The following TMEM44 variants were observed in gnomAD, a reference collection of about 807,000 sequenced individuals.
TMEM44 encodes transmembrane protein 44.
Under a neutral mutation model 47.8 loss-of-function variants are expected in TMEM44, and 43 were observed. That is an observed-to-expected ratio of 0.90 (90% CI 0.70 to 1.16). The LOEUF (loss-of-function observed/expected upper bound fraction) is 1.16, where lower values mean the gene tolerates loss of function less well. Ranked by LOEUF, TMEM44 falls within the 50% of genes most tolerant of loss-of-function variation. The pLI, the probability that TMEM44 is intolerant of heterozygous loss-of-function variation, is 0.00. For missense variants in TMEM44, 568 were observed against 555.2 expected (o/e 1.02, Z -0.23); for synonymous variants, 277 against 238.8 (o/e 1.16, Z -1.48).
At position 194,633,225 on chromosome 3, in the gene TMEM44, G is replaced by A. The variant is rs1718026878; in HGVS notation, c.-10C>T. On this transcript the variant is annotated 5_prime_UTR_variant, in exon 1 of 10. Coordinates refer to ENST00000347147, the MANE Select transcript of TMEM44 (RefSeq NM_001011655.3). ...TGGGCGCCTCCCCCATGGCGCGGCT[G>A]GGCGCGCGGCGCGGGGCCGGGGACC... The A allele has an allele frequency of 1.4e-6, 2 of 1,380,488 alleles. No homozygotes were observed. The highest frequency in any genetic ancestry group is 1.9e-6 in the Non-Finnish European group (2 of 1,065,456). The allele number at this position is 1,380,488 out of a possible 1,614,324, so 85.5% of individuals were successfully genotyped here.
intron 8 of TMEM44, among the ~76,000 whole-genome samples, chr3:194,606,336 T>G (rs1273991729): frequency 6.6e-6 from 1 of 152,158 alleles, no homozygotes; most frequent in Admixed American, 6.6e-5. Context: ...CAGCTCTCCT[T>G]ACCCATTTCC....
At position 194,611,976 on chromosome 3, in the gene TMEM44, C is replaced by T. The variant is rs1252767059; in HGVS notation, c.913-956G>A. Among the ~76,000 whole-genome samples, 3 of 151,902 alleles carry T rather than the reference C, an allele frequency of 2.0e-5. No individual in the cohort carries two copies. Among genetic ancestry groups the T allele is most frequent in the African/African-American group, 7.3e-5 (3 of 41,306 alleles). ...GGCGGAGGTTGCAGCAAGCTGAGAT[C>T]GTGCCACTGCAATCCAGCCTGGACA... On this transcript the variant is annotated intron_variant, in intron 7 of 9. Coordinates refer to ENST00000347147, the MANE Select transcript of TMEM44 (RefSeq NM_001011655.3). This position sits in a 1 kb window ranked among gnomAD's most constrained non-coding sequence, Gnocchi z 4.2.
At chr3:194,619,790 A>G (rs112662271) in intron 5 of TMEM44, among the ~76,000 whole-genome samples, 8 of 152,332 alleles carry the variant, frequency 5.3e-5, no homozygotes, top group African/African-American at 1.7e-4. Context: ...ACTGAGAGGC[A>G]GCAGCAGCTC....
In TMEM44 at chr3:194,604,452, GGT is replaced by G. The variant is rs1560170412; in HGVS notation, c.1018-9_1018-8del. ...TGGTGGCACTGCAGCCTGCCTGCAA[GGT>G]GTGTGAGAAAGGGCAGGCAAGGACA... On this transcript the variant is annotated splice_region_variant and splice_polypyrimidine_tract_variant and intron_variant, in intron 8 of 9. Transcript: ENST00000347147. 6.7e-7 allele frequency: 1 copy of G among 1,498,306 alleles called. No homozygotes were observed. The highest frequency in any genetic ancestry group is 1.4e-5 in the African/African-American group (1 of 71,632). The allele number at this position is 1,498,306 out of a possible 1,614,324, so 92.8% of individuals were successfully genotyped here.
Position 194,625,949 on chromosome 3 carries a change from G to C in TMEM44, c.306C>G (p.Asn102Lys), listed in dbSNP as rs1218993901. Residue 102 changes from asparagine to lysine, a missense_variant, in exon 3 of 10, where the codon AAC becomes AAG. Asn to Lys is a moderately conservative substitution (Grantham distance 94). Transcript: ENST00000347147. ...AGACTGGGAAGAGAATGAACATAAA[G>C]TTCACTAAGTCAATAGCTGCTAGGT... Reference protein sequence around the residue: ...GAYLAAIDLVNFMFILFPVCG... With the variant: ...GAYLAAIDLVKFMFILFPVCG... 5.0e-6 allele frequency: 8 copies of C among 1,613,772 alleles called. No homozygotes were observed. In the African/African-American group the frequency reaches 8.0e-5, roughly 16 times the overall value.
At chr3:194,598,818 G>A (rs9843938) in intron 9 of TMEM44, among the ~76,000 whole-genome samples, 64,511 of 151,674 alleles carry the variant, frequency 0.43, 14,538 homozygotes, top group East Asian at 0.77. Context: ...GAGTTAAGGT[G>A]CCAAATCAGA....
At chr3:194,594,797 C>T (rs187577068) in intron 9 of TMEM44, among the ~76,000 whole-genome samples, 2 of 152,172 alleles carry the variant, frequency 1.3e-5, no homozygotes, top group African/African-American at 4.8e-5. Flanking sequence ...GCTCGAGTCT[C>T]CCAGCTGTGC....
intron 5 of TMEM44, chr3:194,617,835 C>T (rs1341042223): frequency 1.3e-5 from 9 of 680,878 alleles, no homozygotes; most frequent in Non-Finnish European, 1.9e-5. Flanking sequence ...GGCACCATAC[C>T]CTGGGTGCTG....
chr3:194,623,726 C>T (rs1472072848), intron 3 of TMEM44, 31 bp from the exon 4 acceptor site: 24 of 1,613,068 alleles, frequency 1.5e-5, no homozygotes, highest in Non-Finnish European at 2.0e-5. Flanking sequence ...CCACATGGCT[C>T]CTGGAAGCCA....
chr3:194,615,731 T>C (rs1168670919), intron 6 of TMEM44, 34 bp from the exon 7 acceptor site: 5 of 1,610,524 alleles, frequency 3.1e-6, no homozygotes, highest in Non-Finnish European at 4.2e-6. Flanking sequence ...GGAAGCAGAA[T>C]ATTCCAGCTG....
rs1716040782 is a variant in TMEM44, at chr3:194,617,508, C to T, written c.613-239G>A. 2.6e-5 allele frequency: 16 copies of T among 614,516 alleles called. No individual in the cohort carries two copies. In the South Asian group the frequency reaches 3.0e-4, roughly 11 times the overall value. The allele number at this position is 614,516 out of a possible 1,614,324, so 38.1% of individuals were successfully genotyped here. ...GGAAACCTCCCCTTACCAACTCCAC[C>T]CTAAGGCGAGCAAGCAACTCCCTTT... is the stretch of plus-strand genomic sequence containing the variant. On this transcript the variant is annotated intron_variant, in intron 5 of 9. Transcript: ENST00000347147.
At chr3:194,594,974 T>C (rs1464695638) in intron 9 of TMEM44, among the ~76,000 whole-genome samples, 1 of 152,192 alleles carries the variant, frequency 6.6e-6, no homozygotes, top group African/African-American at 2.4e-5. Flanking sequence ...CCCAAATCTT[T>C]GTAACTGAGG....
chr3:194,618,232 T>C (rs374294549), intron 5 of TMEM44, among the ~76,000 whole-genome samples: 1 of 152,180 alleles, frequency 6.6e-6, no homozygotes, highest in African/African-American at 2.4e-5. Flanking sequence ...TTCTGGAAAT[T>C]TTAAAGCCAA....
chr3:194,630,710 A>G (rs544727850), intron 1 of TMEM44, among the ~76,000 whole-genome samples: 205 of 128,888 alleles, frequency 1.6e-3, no homozygotes, highest in Non-Finnish European at 2.8e-3. Context: ...CCCTGAAATG[A>G]TACGCTGTCG....
At position 194,623,276 on chromosome 3, in the gene TMEM44, C is replaced by A; in HGVS notation, c.560G>T (p.Ser187Ile). The A allele has an allele frequency of 6.2e-7, 1 of 1,611,812 alleles. No homozygotes were observed. ...NTEILGYLLG[S>I]VAAFGSWASR... ...AGCCCAGGAGCCAAAGGCAGCAACG[C>A]TACCCAGCAGGTAGCCGAGGATCTC... The change falls in exon 5 of 10, where the codon AGC (serine) becomes ATC (isoleucine). Residue 187 changes from serine (S) to isoleucine (I), a missense_variant. Transcript: ENST00000347147.
intron 8 of TMEM44, among the ~76,000 whole-genome samples, chr3:194,605,962 G>T (rs73890172): frequency 5.9e-5 from 9 of 152,224 alleles, no homozygotes; most frequent in African/African-American, 2.2e-4. Context: ...ATCCACAAGA[G>T]AAACAAAGGC....
At chr3:194,601,521 C>G (rs185054298) in intron 9 of TMEM44, among the ~76,000 whole-genome samples, 73 of 152,184 alleles carry the variant, frequency 4.8e-4, no homozygotes, top group Admixed American at 1.6e-3. Context: ...TCAGGCTGGT[C>G]TCGAACTCCG....
chr3:194,601,955 C>T (rs1225834421), intron 9 of TMEM44, among the ~76,000 whole-genome samples: 1 of 152,152 alleles, frequency 6.6e-6, no homozygotes, highest in South Asian at 2.1e-4. Flanking sequence ...TGTTGCTTCT[C>T]CCTCCCCGTC....
chr3:194,623,754 T>A (rs950722483), intron 3 of TMEM44, 59 bp from the exon 4 acceptor site: 15 of 1,602,756 alleles, frequency 9.4e-6, no homozygotes, highest in Non-Finnish European at 1.3e-5. Context: ...TCAGATCAGA[T>A]AGCTGCGTGG....
Sources: gnomAD v4.1 joint callset for allele counts (sites outside exome capture counted in the v4.1 genomes callset) on GRCh38, gnomAD v4.1.1 for gene constraint, Gnocchi (gnomAD v3.1) non-coding constraint, MANE v1.5 for transcripts, NCBI Gene and HGNC (gene_info 2026-07-23, HGNC 2026-07-21) for gene names.